Variants in FERRY3 observed in about 807,000 individuals in gnomAD.
The protein encoded by FERRY3 is protein C12orf4.
At chr12:4,516,916 TA>T in the FERRY3 span, 1 of 802,716 alleles carries the variant, frequency 1.2e-6, no homozygotes, top group Non-Finnish European at 1.7e-6. Context: ...ATGTTCTTTC[TA>T]AATAGAAAAA....
chr12:4,524,214 T>A, the FERRY3 span, among the ~76,000 whole-genome samples: 5 of 152,300 alleles, frequency 3.3e-5, no homozygotes, highest in East Asian at 9.6e-4. Context: ...ACACATTCAT[T>A]TATAGAAAGC....
chr12:4,538,430 G>A, the FERRY3 span: 3 of 166,450 alleles, frequency 1.8e-5, no homozygotes, highest in South Asian at 1.2e-4. Flanking sequence ...CCGAAGTCCT[G>A]GGCAGTCCGC....
chr12:4,531,190 G>A, the FERRY3 span, among the ~76,000 whole-genome samples: 1 of 152,176 alleles, frequency 6.6e-6, no homozygotes, highest in South Asian at 2.1e-4. Context: ...GCTGAACCTA[G>A]AACTACGATT....
the FERRY3 span, chr12:4,489,484 C>G: frequency 1.2e-5 from 2 of 170,170 alleles, no homozygotes; most frequent in East Asian, 3.0e-4. Flanking sequence ...TCAAATGCCT[C>G]CATGTAAATA....
At chr12:4,520,472 A>G in the FERRY3 span, among the ~76,000 whole-genome samples, 1 of 152,234 alleles carries the variant, frequency 6.6e-6, no homozygotes, top group Non-Finnish European at 1.5e-5. Context: ...TCCACTCTGC[A>G]GCTCTGGCAT....
the FERRY3 span, among the ~76,000 whole-genome samples, chr12:4,492,005 A>C: frequency 6.6e-6 from 1 of 152,146 alleles, no homozygotes; most frequent in South Asian, 2.1e-4. Flanking sequence ...GCTTGAGTCC[A>C]AGAGTTCAAG....
the FERRY3 span, chr12:4,534,439 T>C: frequency 1.0e-6 from 1 of 971,114 alleles, no homozygotes; most frequent in Non-Finnish European, 1.4e-6. Context: ...TCTCTCTCTC[T>C]GTTACACAGG....
the FERRY3 span, chr12:4,489,808 T>C: frequency 1.3e-6 from 2 of 1,592,716 alleles, no homozygotes; most frequent in Non-Finnish European, 1.7e-6. Flanking sequence ...TATAAGGGTT[T>C]AGTGCTTGGA....
At chr12:4,504,914 C>A in the FERRY3 span, among the ~76,000 whole-genome samples, 1 of 152,080 alleles carries the variant, frequency 6.6e-6, no homozygotes, top group Non-Finnish European at 1.5e-5. Context: ...ACCAGCCCGG[C>A]CAACATGGTG....
the FERRY3 span, chr12:4,488,405 A>T: frequency 6.6e-6 from 1 of 152,226 alleles, no homozygotes; most frequent in East Asian, 1.9e-4. The surrounding 1 kb of genome is among the most constrained non-coding windows in gnomAD (Gnocchi z 4.9). Flanking sequence ...CCTGAAAGAC[A>T]ATTTCTCCAA....
the FERRY3 span, among the ~76,000 whole-genome samples, chr12:4,529,475 A>G: frequency 6.6e-6 from 1 of 152,146 alleles, no homozygotes; most frequent in Admixed American, 6.5e-5. Flanking sequence ...TGGACAAGTT[A>G]CTTATTTAAG....
chr12:4,491,526 C>T, the FERRY3 span, among the ~76,000 whole-genome samples: 1 of 152,258 alleles, frequency 6.6e-6, no homozygotes. Flanking sequence ...GACATAGGAA[C>T]TCTACCTACT....
the FERRY3 span, among the ~76,000 whole-genome samples, chr12:4,519,371 TTTG>T: frequency 6.6e-6 from 1 of 152,212 alleles, no homozygotes; most frequent in East Asian, 1.9e-4. This position sits in a 1 kb window ranked among gnomAD's most constrained non-coding sequence, Gnocchi z 4.3. Context: ...CCATTTCTTG[TTTG>T]TTTTCTTTTT....
chr12:4,534,033 T>C, the FERRY3 span: 1 of 1,030,002 alleles, frequency 9.7e-7, no homozygotes, highest in Non-Finnish European at 1.4e-6. Flanking sequence ...AACATATACA[T>C]TATAGAATAT....
chr12:4,525,579 C>G, the FERRY3 span: 5 of 1,606,802 alleles, frequency 3.1e-6, no homozygotes, highest in Non-Finnish European at 4.3e-6. Context: ...ATTTCAATAC[C>G]TTGTCTAAAA....
chr12:4,529,555 T>A, the FERRY3 span, among the ~76,000 whole-genome samples: 1 of 152,132 alleles, frequency 6.6e-6, no homozygotes, highest in Non-Finnish European at 1.5e-5. Context: ...AGATAGGGCA[T>A]CCAAAGCAGT....
At chr12:4,498,736 G>A in the FERRY3 span, among the ~76,000 whole-genome samples, 1 of 152,162 alleles carries the variant, frequency 6.6e-6, no homozygotes, top group Admixed American at 6.5e-5. Context: ...ACTGGAGTTG[G>A]GGGTGAGGGT....
At chr12:4,502,477 T>C in the FERRY3 span, 81 of 443,648 alleles carry the variant, frequency 1.8e-4, 1 homozygote, top group South Asian at 9.8e-4. The surrounding 1 kb of genome is among the most constrained non-coding windows in gnomAD (Gnocchi z 4.2). Context: ...GTATTTTCTG[T>C]AGTTCCTATC....
the FERRY3 span, among the ~76,000 whole-genome samples, chr12:4,526,840 T>C: frequency 7.6e-6 from 1 of 131,556 alleles, no homozygotes; most frequent in East Asian, 2.0e-4. Context: ...AGACTCCATC[T>C]CAAAAAAAAA....
Sources: allele counts gnomAD v4.1 joint callset (sites outside exome capture counted in the v4.1 genomes callset), GRCh38; gene constraint gnomAD v4.1.1; non-coding constraint Gnocchi (gnomAD v3.1); transcripts MANE v1.5; gene names NCBI Gene and HGNC (gene_info 2026-07-23, HGNC 2026-07-21).